Variants in CRMP1 observed in about 807,000 individuals in gnomAD.
The protein encoded by CRMP1 is collapsin response mediator protein 1.
Under a neutral mutation model 68.3 loss-of-function variants are expected in CRMP1, and 19 were observed. The ratio of observed to expected loss-of-function variants is 0.28; its 90% confidence interval spans 0.19 to 0.41. The LOEUF (loss-of-function observed/expected upper bound fraction) is 0.41, where lower values mean the gene tolerates loss of function less well. Ranked by LOEUF, CRMP1 falls within the 10% of genes least tolerant of loss-of-function variation. The pLI, the probability that CRMP1 is intolerant of heterozygous loss-of-function variation, is 1.00. For missense variants in CRMP1, 791 were observed against 967.4 expected (o/e 0.82, Z 2.42); for synonymous variants, 439 against 399.6 (o/e 1.10, Z -1.18).
At position 5,870,255 on chromosome 4, in the gene CRMP1, T is replaced by A. The variant is rs1365793279; in HGVS notation, c.382-3499A>T. ...TTTGGGACAACACACACCACCACCC[T>A]GCCAGCTGGCCCTACATCCCTTACC... On this transcript the variant is annotated intron_variant, in intron 1 of 13. Coordinates refer to ENST00000324989, the MANE Select transcript of CRMP1 (RefSeq NM_001014809.3). This position sits in a 1 kb window ranked among gnomAD's most constrained non-coding sequence, Gnocchi z 6.0. 2.0e-5 allele frequency among the ~76,000 whole-genome samples: 3 copies of A among 152,210 alleles called. No individual in the cohort carries two copies. Among genetic ancestry groups the A allele is most frequent in the African/African-American group, 7.2e-5 (3 of 41,472 alleles).
intron 2 of CRMP1, among the ~76,000 whole-genome samples, chr4:5,864,726 G>A (rs1465197964): frequency 2.0e-5 from 3 of 152,156 alleles, no homozygotes; most frequent in Admixed American, 2.0e-4. Flanking sequence ...CGCATGAGCA[G>A]GGCCCACAAG....
In CRMP1 at chr4:5,834,027, C is replaced by A. The variant is rs1389661958; in HGVS notation, c.1623+1888G>T. Among the ~76,000 whole-genome samples, 2 of 152,190 alleles carry A rather than the reference C, an allele frequency of 1.3e-5. No individual in the cohort carries two copies. Among genetic ancestry groups the A allele is most frequent in the East Asian group, 3.9e-4 (2 of 5,176 alleles). On this transcript the variant is annotated intron_variant, in intron 11 of 13. Transcript: ENST00000324989. The surrounding 1 kb of genome is among the most constrained non-coding windows in gnomAD (Gnocchi z 4.3). ...CGCCACTGCACTCCAGCCTGGGCAA[C>A]AGAGCAAGACTCCATCTCAACAACA...
rs199717161 is a variant in CRMP1 at position 5,836,705 on chromosome 4, G to A, written c.1452+60C>T. 2,708 of 1,612,570 alleles carry A rather than the reference G, an allele frequency of 1.7e-3. 5 individuals carry two copies. Among genetic ancestry groups the A allele is most frequent in the Non-Finnish European group, 2.1e-3 (2,517 of 1,178,838 alleles). On this transcript the variant is annotated intron_variant, in intron 10 of 13. Coordinates refer to ENST00000324989, the MANE Select transcript of CRMP1 (RefSeq NM_001014809.3). The stretch of plus-strand genomic sequence containing the variant: ...AAGAACCCAGCGTGCATAATGCATC[G>A]GCTTTCACAGGGCAGGTAGAGTGTT...
In CRMP1 at chr4:5,861,237, T is replaced by A. The variant is rs201077094; in HGVS notation, c.471-27A>T. 1.7e-5 allele frequency: 27 copies of A among 1,604,030 alleles called. No homozygotes were observed. The highest frequency in any genetic ancestry group is 8.5e-7 in the Non-Finnish European group (1 of 1,174,782). Reference sequence around the variant, plus strand: ...TGGAGGCAAACAACAGAGACAGCCTTGGTTCTTAAAGGAAAAGTAGAATGG... The same window carrying A: ...TGGAGGCAAACAACAGAGACAGCCTAGGTTCTTAAAGGAAAAGTAGAATGG... On this transcript the variant is annotated intron_variant, in intron 2 of 13. Coordinates refer to ENST00000324989, the MANE Select transcript of CRMP1 (RefSeq NM_001014809.3). The surrounding 1 kb of genome is among the most constrained non-coding windows in gnomAD (Gnocchi z 6.0).
At chr4:5,836,539 C>A (rs1720739789) in intron 10 of CRMP1, among the ~76,000 whole-genome samples, 1 of 152,220 alleles carries the variant, frequency 6.6e-6, no homozygotes, top group Non-Finnish European at 1.5e-5. Flanking sequence ...ATTTTTCAAT[C>A]TTAAGATGTA....
chr4:5,832,114 C>T (rs1482366292), intron 11 of CRMP1, among the ~76,000 whole-genome samples: 1 of 152,134 alleles, frequency 6.6e-6, no homozygotes, highest in Admixed American at 6.5e-5. Context: ...ATGAAATGTC[C>T]AGAATAGGCA....
At chr4:5,839,982 T>A (rs532884079) in intron 8 of CRMP1, among the ~76,000 whole-genome samples, 2 of 152,224 alleles carry the variant, frequency 1.3e-5, no homozygotes, top group African/African-American at 4.8e-5. Flanking sequence ...TTTTATAGAT[T>A]TGTAAGCCAA....
chr4:5,870,153 G>A lies in CRMP1; in HGVS notation c.382-3397C>T, dbSNP rs1283403222. Among the ~76,000 whole-genome samples the A allele has an allele frequency of 7.9e-5, 12 of 152,198 alleles. No homozygotes were observed. The highest frequency in any genetic ancestry group is 1.8e-4 in the Non-Finnish European group (12 of 68,036). ...GTTAATCTGGAGTCCCAGGTTCCTG[G>A]CAGTCTTCCTGCTCCTACTTGCTTT... On this transcript the variant is annotated intron_variant, in intron 1 of 13. Transcript: ENST00000324989. This position sits in a 1 kb window ranked among gnomAD's most constrained non-coding sequence, Gnocchi z 6.0.
intron 1 of CRMP1, among the ~76,000 whole-genome samples, chr4:5,873,182 A>G (rs1018975476): frequency 2.6e-5 from 4 of 152,210 alleles, no homozygotes; most frequent in Admixed American, 1.3e-4. Flanking sequence ...CTTTGCTGCC[A>G]GTGTGGGAAA....
chr4:5,848,502 T>C (rs752039231), intron 6 of CRMP1, among the ~76,000 whole-genome samples: 3 of 152,220 alleles, frequency 2.0e-5, no homozygotes, highest in Non-Finnish European at 4.4e-5. Context: ...TTTCATTCTT[T>C]TCCCAACAAA....
In CRMP1 at chr4:5,889,724, G is replaced by T. The variant is rs1356650164; in HGVS notation, c.381+2865C>A. The T allele has an allele frequency of 1.3e-6, 2 of 1,535,914 alleles. No individual in the cohort carries two copies. Among genetic ancestry groups the T allele is most frequent in the Admixed American group, 2.0e-5 (1 of 50,996 alleles). Reference sequence around the variant, plus strand: ...TTCTGCTTTCAAGTTGCCATCCAGAGCGAGGGTGGCCTAGGCTTGGTACAG... The same window carrying T: ...TTCTGCTTTCAAGTTGCCATCCAGATCGAGGGTGGCCTAGGCTTGGTACAG... On this transcript the variant is annotated intron_variant, in intron 1 of 13. Coordinates refer to ENST00000324989, the MANE Select transcript of CRMP1 (RefSeq NM_001014809.3). The surrounding 1 kb of genome is among the most constrained non-coding windows in gnomAD (Gnocchi z 4.5).
chr4:5,856,509 A>T (rs558179883), intron 3 of CRMP1, among the ~76,000 whole-genome samples: 1 of 151,768 alleles, frequency 6.6e-6, no homozygotes, highest in South Asian at 2.1e-4. Flanking sequence ...TTATCAACCC[A>T]TCACCATGAC....
Position 5,859,371 on chromosome 4 carries a change from G to A in CRMP1, c.655+1655C>T, listed in dbSNP as rs1713369939. On this transcript the variant is annotated intron_variant, in intron 3 of 13. Transcript: ENST00000324989. The surrounding 1 kb of genome is among the most constrained non-coding windows in gnomAD (Gnocchi z 5.2). ...CCCCAGGGTCTCACAGCTGGTAATG[G>A]AGAAAAGCAGGGGACATCCCAGGAA... Among the ~76,000 whole-genome samples, 1 of 152,146 alleles carries A rather than the reference G, an allele frequency of 6.6e-6. No individual in the cohort carries two copies. Among genetic ancestry groups the A allele is most frequent in the African/African-American group, 2.4e-5 (1 of 41,438 alleles).
At chr4:5,848,063 T>C (rs1560499822) in intron 6 of CRMP1, among the ~76,000 whole-genome samples, 1 of 152,082 alleles carries the variant, frequency 6.6e-6, no homozygotes, top group African/African-American at 2.4e-5. Flanking sequence ...CCTCCTGTCA[T>C]GCTCACCTCT....
chr4:5,839,733 T>G lies in CRMP1; in HGVS notation c.1154-55A>C, dbSNP rs1235891077. 4 of 1,533,296 alleles carry G rather than the reference T, an allele frequency of 2.6e-6. No homozygotes were observed. The Admixed American group carries it at 7.8e-5, about 30-fold the overall frequency. The allele number at this position is 1,533,296 out of a possible 1,614,324, so 95.0% of individuals were successfully genotyped here. A position where few individuals can be genotyped will look rare whatever the true frequency, so the allele number is the denominator to read the frequency against. On this transcript the variant is annotated intron_variant, in intron 8 of 13. Transcript: ENST00000324989. The stretch of plus-strand genomic sequence containing the variant: ...AAAGCAAATACTCTCTTGAGGCAGA[T>G]GTCAAAGGCACAAAATTGGAAGACT...
At chr4:5,867,841 A>G (rs911322023) in intron 1 of CRMP1, among the ~76,000 whole-genome samples, 3 of 152,132 alleles carry the variant, frequency 2.0e-5, no homozygotes, top group African/African-American at 4.8e-5. Flanking sequence ...TATACTTCCT[A>G]TATCTACACT....
At chr4:5,851,695 GGGA>G (rs1412744380) in intron 4 of CRMP1, among the ~76,000 whole-genome samples, 2 of 151,594 alleles carry the variant, frequency 1.3e-5, no homozygotes, top group African/African-American at 4.9e-5. Context: ...GGAGGAGAAA[GGGA>G]GGAGAAGGAG....
intron 8 of CRMP1, among the ~76,000 whole-genome samples, chr4:5,840,038 G>T (rs1168060360): frequency 6.6e-6 from 1 of 152,240 alleles, no homozygotes; most frequent in East Asian, 1.9e-4. Flanking sequence ...TCTGCCAGAA[G>T]CAGATCTTAG....
intron 1 of CRMP1, among the ~76,000 whole-genome samples, chr4:5,867,589 G>A (rs961788879): frequency 4.6e-5 from 7 of 152,060 alleles, no homozygotes; most frequent in African/African-American, 1.2e-4. Flanking sequence ...TCCAAGCACC[G>A]ATCAGCTACC....
Sources: allele counts gnomAD v4.1 joint callset (sites outside exome capture counted in the v4.1 genomes callset), GRCh38; gene constraint gnomAD v4.1.1; non-coding constraint Gnocchi (gnomAD v3.1); transcripts MANE v1.5; gene names NCBI Gene and HGNC (gene_info 2026-07-23, HGNC 2026-07-21).